Variants in BRINP1 observed in about 807,000 individuals in gnomAD.
The protein encoded by BRINP1 is BMP/retinoic acid-inducible neural-specific protein 1.
Under a neutral mutation model 72.9 loss-of-function variants are expected in BRINP1, and 17 were observed. That is an observed-to-expected ratio of 0.23 (90% CI 0.16 to 0.35). BRINP1 has a LOEUF of 0.35. BRINP1 is among the 10% of genes least tolerant of loss of function. The probability of loss-of-function intolerance (pLI) is 1.00; values close to 1 mark genes in which losing one functional copy is unlikely to be tolerated. For synonymous variants in BRINP1, 418 were observed against 378.5 expected (o/e 1.10, Z -1.21); for missense variants, 850 against 1,001.6 (o/e 0.85, Z 2.04).
chr9:119,221,738 G>C (rs943683723), intron 5 of BRINP1, among the ~76,000 whole-genome samples: 3 of 152,148 alleles, frequency 2.0e-5, no homozygotes, highest in African/African-American at 7.2e-5. Flanking sequence ...AGAAGATTTG[G>C]AATCCTTAGG....
intron 5 of BRINP1, among the ~76,000 whole-genome samples, chr9:119,223,255 T>C (rs1830058984): frequency 3.3e-5 from 5 of 152,134 alleles, no homozygotes; most frequent in Admixed American, 3.3e-4. Flanking sequence ...CATAACTGAA[T>C]ATGCTTGTCA....
intron 1 of BRINP1, among the ~76,000 whole-genome samples, chr9:119,335,018 T>TG (rs1484386053): frequency 6.6e-6 from 1 of 152,058 alleles, no homozygotes; most frequent in Non-Finnish European, 1.5e-5. Context: ...GAGTGAGTGA[T>TG]GGGGTGGCCA....
In BRINP1 at chr9:119,247,696, C is replaced by CATTGGATCAAAAACAG. The variant is rs374485686; in HGVS notation, c.409+1248_409+1263dup. ...AAAAAAAAAAAAAAGAGATGACTGA[C>CATTGGATCAAAAACAG]ATTGGATCAAAAACAGAATGCAGGC... On this transcript the variant is annotated intron_variant, in intron 3 of 7. Transcript: ENST00000265922. Among the ~76,000 whole-genome samples the CATTGGATCAAAAACAG allele has an allele frequency of 2.2e-4, 31 of 141,964 alleles. 1 individual carries two copies. The highest frequency in any genetic ancestry group is 6.5e-4 in the African/African-American group (25 of 38,560). 93.1% of individuals were successfully genotyped at this position (141,964 alleles called of 152,430 possible). A position where few individuals can be genotyped will look rare whatever the true frequency, so the allele number is the denominator to read the frequency against.
chr9:119,193,721 T>C (rs1829705253), intron 7 of BRINP1, among the ~76,000 whole-genome samples: 1 of 152,192 alleles, frequency 6.6e-6, no homozygotes, highest in Non-Finnish European at 1.5e-5. Flanking sequence ...AAAATTAATG[T>C]TTTACACTGG....
At chr9:119,185,328 T>C (rs2118842986) in intron 7 of BRINP1, among the ~76,000 whole-genome samples, 1 of 152,264 alleles carries the variant, frequency 6.6e-6, no homozygotes, top group Middle Eastern at 3.4e-3. Context: ...CAACAAAATA[T>C]GCACCTAGAC....
chr9:119,337,391 G>A (rs980239721), intron 1 of BRINP1, among the ~76,000 whole-genome samples: 1 of 152,204 alleles, frequency 6.6e-6, no homozygotes, highest in African/African-American at 2.4e-5. Flanking sequence ...TAGGCTGCTG[G>A]GTCACTTGTT....
At chr9:119,292,137 A>G (rs541649446) in intron 2 of BRINP1, among the ~76,000 whole-genome samples, 44 of 152,318 alleles carry the variant, frequency 2.9e-4, no homozygotes, top group African/African-American at 9.9e-4. Context: ...TATTTTAGAG[A>G]TGGGAAAGCA....
chr9:119,244,647 G>A (rs748996593), intron 3 of BRINP1, among the ~76,000 whole-genome samples: 3 of 152,164 alleles, frequency 2.0e-5, no homozygotes, highest in Non-Finnish European at 2.9e-5. Flanking sequence ...GGTGAAACAA[G>A]CCCGGTTCCC....
chr9:119,222,306 G>A (rs1333030664), intron 5 of BRINP1, among the ~76,000 whole-genome samples: 1 of 152,030 alleles, frequency 6.6e-6, no homozygotes, highest in Non-Finnish European at 1.5e-5. Context: ...ACAGATACAG[G>A]AGTTGACAAA....
intron 5 of BRINP1, among the ~76,000 whole-genome samples, chr9:119,221,067 T>A (rs1004923407): frequency 6.6e-6 from 1 of 152,218 alleles, no homozygotes; most frequent in Non-Finnish European, 1.5e-5. Context: ...ATACACGATT[T>A]CTTACAGTGC....
rs1300335707 is a variant in BRINP1 at position 119,224,898 on chromosome 9, C to T, written c.686-10743G>A. ...CAGTGCTGCCAGTCACATGGAAATGCACTGTATGTATATAATCCTCTTAGA... is the reference window on the plus strand; with the variant it reads ...CAGTGCTGCCAGTCACATGGAAATGTACTGTATGTATATAATCCTCTTAGA... On this transcript the variant is annotated intron_variant, in intron 5 of 7. Coordinates refer to ENST00000265922, the MANE Select transcript of BRINP1 (RefSeq NM_014618.3). Among the ~76,000 whole-genome samples, 3 of 152,152 alleles carry T rather than the reference C, an allele frequency of 2.0e-5. No homozygotes were observed. In the East Asian group the frequency reaches 5.8e-4, roughly 29 times the overall value.
At chr9:119,303,593 C>G (rs189384381) in intron 2 of BRINP1, among the ~76,000 whole-genome samples, 1 of 152,270 alleles carries the variant, frequency 6.6e-6, no homozygotes, top group East Asian at 1.9e-4. Flanking sequence ...TATGGTGGCA[C>G]GTGTTCCTCA....
At chr9:119,252,221 G>C (rs756991046) in intron 2 of BRINP1, among the ~76,000 whole-genome samples, 2 of 152,100 alleles carry the variant, frequency 1.3e-5, no homozygotes, top group Non-Finnish European at 2.9e-5. Context: ...ACTGAATCCT[G>C]GCAGTAACCA....
intron 2 of BRINP1, among the ~76,000 whole-genome samples, chr9:119,269,966 AG>A (rs1830591647): frequency 6.6e-6 from 1 of 152,336 alleles, no homozygotes; most frequent in South Asian, 2.1e-4. Flanking sequence ...TATGGAAAAA[AG>A]AAAAAGTGGA....
At chr9:119,322,356 C>T (rs1329583190) in intron 1 of BRINP1, among the ~76,000 whole-genome samples, 1 of 152,302 alleles carries the variant, frequency 6.6e-6, no homozygotes, top group South Asian at 2.1e-4. Context: ...GTGGTGAGCA[C>T]GTGGGGCCCT....
intron 1 of BRINP1, among the ~76,000 whole-genome samples, chr9:119,352,367 C>A (rs760293819): frequency 6.6e-6 from 1 of 152,180 alleles, no homozygotes; most frequent in Non-Finnish European, 1.5e-5. Context: ...CAGATAACCA[C>A]AAAATGCTGC....
At chr9:119,228,257 T>C (rs1412095311) in intron 5 of BRINP1, among the ~76,000 whole-genome samples, 1 of 151,936 alleles carries the variant, frequency 6.6e-6, no homozygotes, top group African/African-American at 2.4e-5. Flanking sequence ...ACCAATTATA[T>C]TCAAAAACTC....
chr9:119,270,351 C>A (rs986824549), intron 2 of BRINP1, among the ~76,000 whole-genome samples: 2 of 152,070 alleles, frequency 1.3e-5, no homozygotes, highest in Non-Finnish European at 2.9e-5. Flanking sequence ...AAGATCACCC[C>A]GTGTTGAGAG....
intron 2 of BRINP1, among the ~76,000 whole-genome samples, chr9:119,288,486 A>G (rs1830789606): frequency 6.6e-6 from 1 of 152,178 alleles, no homozygotes. Context: ...TGTGGTAATG[A>G]GAAAGAGTGG....
Sources: allele counts gnomAD v4.1 joint callset (sites outside exome capture counted in the v4.1 genomes callset), GRCh38; gene constraint gnomAD v4.1.1; transcripts MANE v1.5; gene names NCBI Gene and HGNC (gene_info 2026-07-23, HGNC 2026-07-21).